The following MARCHF2 variants were observed in gnomAD, a reference collection of about 807,000 sequenced individuals.
The protein encoded by MARCHF2 is E3 ubiquitin-protein ligase MARCHF2.
In MARCHF2, 22 loss-of-function variants were observed where a neutral mutation model predicts 24.0. The ratio of observed to expected loss-of-function variants is 0.92; its 90% CI spans 0.66 to 1.31. The LOEUF is 1.31. Ranked by LOEUF, MARCHF2 falls within the 50% of genes most tolerant of loss-of-function variation. The pLI, the probability that MARCHF2 is intolerant of heterozygous loss-of-function variation, is 0.00. For missense variants in MARCHF2, 301 were observed against 335.3 expected (o/e 0.90, Z 0.80); for synonymous variants, 154 against 153.0 (o/e 1.01, Z -0.05).
At position 8,430,771 on chromosome 19, in the gene MARCHF2, G is replaced by A; in HGVS notation, c.486G>A (p.Gly162=). ...TCTCAGGCTGGTTGTGCCTGCGCGGGGCCCAGGACCACCTCCGGCTCCACA... is the reference window on the plus strand; with the variant it reads ...TCTCAGGCTGGTTGTGCCTGCGCGGAGCCCAGGACCACCTCCGGCTCCACA... ...AAISGWLCLR[G]AQDHLRLHSQ... Residue 162 remains glycine (G), a synonymous_variant, in exon 4 of 5, where the codon GGG becomes GGA. Transcript: ENST00000215555. The surrounding 1 kb of genome is among the most constrained non-coding windows in gnomAD (Gnocchi z 4.4). 1 of 1,611,272 alleles carries A rather than the reference G, an allele frequency of 6.2e-7. No homozygotes were observed. The highest frequency in any genetic ancestry group is 8.5e-7 in the Non-Finnish European group (1 of 1,180,018).
At chr19:8,414,366 T>G (rs935630392) in intron 1 of MARCHF2, among the ~76,000 whole-genome samples, 1 of 151,910 alleles carries the variant, frequency 6.6e-6, no homozygotes, top group African/African-American at 2.4e-5. Flanking sequence ...GCCTCCCAGA[T>G]TCAAGCGATT....
chr19:8,426,486 G>A (rs1338604380), intron 2 of MARCHF2, 123 bp from the exon 3 acceptor site: 1 of 727,614 alleles, frequency 1.4e-6, no homozygotes, highest in Admixed American at 2.5e-5. Context: ...GGGCATTGAA[G>A]GATGAGTAGG....
Position 8,421,778 on chromosome 19 carries a change from C to T in MARCHF2, c.-52-11C>T, listed in dbSNP as rs941917468. 3 of 1,496,818 alleles carry T rather than the reference C, an allele frequency of 2.0e-6. No homozygotes were observed. The highest frequency in any genetic ancestry group is 2.8e-5 in the African/African-American group (2 of 71,694). The allele number at this position is 1,496,818 out of a possible 1,614,324, so 92.7% of individuals were successfully genotyped here. A position where few individuals can be genotyped will look rare whatever the true frequency, so the allele number is the denominator to read the frequency against. On this transcript the variant is annotated splice_polypyrimidine_tract_variant and intron_variant, in intron 1 of 4. Transcript: ENST00000215555. ...ACCTTGCCCCTAACCTCCGCACTGG[C>T]CTGTTCCCAGGCTCCTGGAACCATG...
intron 4 of MARCHF2, among the ~76,000 whole-genome samples, chr19:8,434,895 G>A (rs908986152): frequency 2.0e-5 from 3 of 151,786 alleles, no homozygotes; most frequent in Admixed American, 1.3e-4. Flanking sequence ...TAGTAGAGAC[G>A]AGTTTTCACC....
chr19:8,435,776 A>G (rs906076060), intron 4 of MARCHF2, among the ~76,000 whole-genome samples: 1 of 150,608 alleles, frequency 6.6e-6, no homozygotes, highest in Non-Finnish European at 1.5e-5. Context: ...CTGGGCTCAA[A>G]CCTTGGCTTC....
At chr19:8,438,332 C>A in intron 4 of MARCHF2, 56 bp from the exon 5 acceptor site, 1 of 1,593,336 alleles carries the variant, frequency 6.3e-7, no homozygotes, top group South Asian at 1.1e-5. Context: ...ACCACGGCGA[C>A]TTGTTTTCCT....
intron 3 of MARCHF2, among the ~76,000 whole-genome samples, chr19:8,427,118 G>A (rs964381747): frequency 6.6e-6 from 1 of 151,982 alleles, no homozygotes; most frequent in African/African-American, 2.4e-5. Flanking sequence ...TGCGATCTCG[G>A]CTCACTGCAA....
intron 3 of MARCHF2, among the ~76,000 whole-genome samples, chr19:8,429,737 C>T (rs1967524524): frequency 6.7e-6 from 1 of 149,022 alleles, no homozygotes; most frequent in South Asian, 2.1e-4. Context: ...CTCCTGGCCT[C>T]AAGTGATCCA....
rs931132169 is a variant in MARCHF2, at chr19:8,432,666, C to T, written c.582+1799C>T. ...ATTAGCTGGGCATGGTGGCACATGC[C>T]TGTAGTCCCAGCTACCTGGGAGGCT... On this transcript the variant is annotated intron_variant, in intron 4 of 4. Coordinates refer to ENST00000215555, the MANE Select transcript of MARCHF2 (RefSeq NM_001005415.2). 2.6e-5 allele frequency among the ~76,000 whole-genome samples: 4 copies of T among 151,948 alleles called. No homozygotes were observed. The East Asian group carries it at 7.7e-4, about 29-fold the overall frequency.
intron 2 of MARCHF2, 133 bp downstream of exon 2, chr19:8,422,149 A>G: frequency 2.1e-6 from 2 of 942,566 alleles, no homozygotes; most frequent in Non-Finnish European, 1.5e-6. Flanking sequence ...AAAGAGACAC[A>G]AACAGTTATC....
rs1967547843 is a variant in MARCHF2, at chr19:8,430,463, A to C, written c.373-195A>C. Among the ~76,000 whole-genome samples the C allele has an allele frequency of 6.7e-6, 1 of 149,740 alleles. No homozygotes were observed. Among genetic ancestry groups the C allele is most frequent in the Non-Finnish European group, 1.5e-5 (1 of 67,220 alleles). On this transcript the variant is annotated intron_variant, in intron 3 of 4. Transcript: ENST00000215555. The surrounding 1 kb of genome is among the most constrained non-coding windows in gnomAD (Gnocchi z 4.4). ...GACAGGAGAATTGCTTAAACCCAGA[A>C]GGTCGAGGTTGCAGTGAGCCGAGAT...
At chr19:8,438,345 C>T (rs751677897) in intron 4 of MARCHF2, 43 bp from the exon 5 acceptor site, 6 of 1,605,266 alleles carry the variant, frequency 3.7e-6, no homozygotes, top group Non-Finnish European at 5.1e-6. Flanking sequence ...GTTTTCCTCC[C>T]TTGCGGGTGG....
chr19:8,415,753 AAAC>A (rs1440014515), intron 1 of MARCHF2, among the ~76,000 whole-genome samples: 6,463 of 145,086 alleles, frequency 0.045, 355 homozygotes, highest in Middle Eastern at 0.099. Context: ...ACAAAAAAAA[AAAC>A]CAGACAAAAG....
rs1450078266 is a variant in MARCHF2 at position 8,430,890 on chromosome 19, C to G, written c.582+23C>G. 6.5e-7 allele frequency: 1 copy of G among 1,550,318 alleles called. No individual in the cohort carries two copies. The highest frequency in any genetic ancestry group is 8.7e-7 in the Non-Finnish European group (1 of 1,148,286). On this transcript the variant is annotated intron_variant, in intron 4 of 4. Transcript: ENST00000215555. This position sits in a 1 kb window ranked among gnomAD's most constrained non-coding sequence, Gnocchi z 4.4. ...CTGGTGAGTGGCTGTGGTTGTGCAG[C>G]ACGCGTCTCGAGCTCTGCCGCTGGG...
intron 3 of MARCHF2, among the ~76,000 whole-genome samples, chr19:8,428,792 C>T (rs1346398718): frequency 6.7e-6 from 1 of 150,258 alleles, no homozygotes; most frequent in African/African-American, 2.4e-5. Context: ...GGTAAAACAC[C>T]GTCTCTACTA....
At chr19:8,414,742 G>A (rs1967034359) in intron 1 of MARCHF2, among the ~76,000 whole-genome samples, 1 of 152,108 alleles carries the variant, frequency 6.6e-6, no homozygotes, top group Non-Finnish European at 1.5e-5. Flanking sequence ...GGGGGCCTCA[G>A]TGCCACCCTA....
chr19:8,428,735 G>A (rs1369067977), intron 3 of MARCHF2, among the ~76,000 whole-genome samples: 1 of 150,812 alleles, frequency 6.6e-6, no homozygotes. Flanking sequence ...AGGCAGAGGT[G>A]GGTGGATCAC....
In MARCHF2 at chr19:8,426,625, C is replaced by G. The variant is rs761919297; in HGVS notation, c.193C>G (p.Arg65Gly). The G allele has an allele frequency of 1.9e-6, 3 of 1,613,820 alleles. No individual in the cohort carries two copies. The change falls in exon 3 of 5, where the codon CGG becomes GGG. Residue 65 changes from arginine (R) to glycine (G), a missense_variant. By Grantham distance (125) the Arg-to-Gly change is moderately radical. Transcript: ENST00000215555. The part of the protein sequence containing the change: ...LDTPSDGPFC[R>G]ICHEGANGEC... ...TGTGTCCAGTGATGGTCCTTTCTGC[C>G]GGATCTGCCATGAGGGAGCGAACGG...
Position 8,438,577 on chromosome 19 carries a change from A to G in MARCHF2, c.*31A>G, listed in dbSNP as rs942217360. ...GGGCTCTCCGGACCCTGCAGCAGAG[A>G]GGCCAGAGGTAGCTGGTGATACCCT... On this transcript the variant is annotated 3_prime_UTR_variant, in exon 5 of 5. Coordinates refer to ENST00000215555, the MANE Select transcript of MARCHF2 (RefSeq NM_001005415.2). 1 of 1,608,802 alleles carries G rather than the reference A, an allele frequency of 6.2e-7. No individual in the cohort carries two copies. Among genetic ancestry groups the G allele is most frequent in the African/African-American group, 1.3e-5 (1 of 74,822 alleles).
Sources: allele counts gnomAD v4.1 joint callset (sites outside exome capture counted in the v4.1 genomes callset), GRCh38; gene constraint gnomAD v4.1.1; non-coding constraint Gnocchi (gnomAD v3.1); transcripts MANE v1.5; gene names NCBI Gene and HGNC (gene_info 2026-07-23, HGNC 2026-07-21).